PRDM1: variants seen among roughly 807,000 people sequenced by gnomAD.
The protein encoded by PRDM1 is PR domain zinc finger protein 1.
In PRDM1, 13 loss-of-function variants were observed where a neutral mutation model predicts 62.8. The ratio of observed to expected loss-of-function variants is 0.21; its 90% confidence interval spans 0.13 to 0.33. The LOEUF (loss-of-function observed/expected upper bound fraction) is 0.33. Ranked by LOEUF, PRDM1 falls within the 10% of genes least tolerant of loss-of-function variation. PRDM1 has a pLI of 1.00. For synonymous variants in PRDM1, 396 were observed against 417.6 expected, an observed-to-expected ratio of 0.95 and a Z score of 0.63; for missense variants, 895 against 1,058.8, an observed-to-expected ratio of 0.85 and a Z score of 2.15.
upstream of PRDM1, among the ~76,000 whole-genome samples, chr6:106,084,128 C>T (rs1773746017): frequency 6.6e-6 from 1 of 152,070 alleles, no homozygotes; most frequent in Non-Finnish European, 1.5e-5. Context: ...CTACTATAAT[C>T]ATAGTCAAAA....
At chr6:106,080,772 A>T (rs896164149) in intron 1 of PRDM1, among the ~76,000 whole-genome samples, 3 of 152,154 alleles carry the variant, frequency 2.0e-5, no homozygotes, top group Non-Finnish European at 4.4e-5. Flanking sequence ...GTTCTCTTCA[A>T]AGGAGTTGTG....
rs80238715 is a variant in PRDM1, at chr6:106,055,348, A to G, written c.-67+6634A>G. Reference sequence around the variant, plus strand: ...ATCATTACTTTGGGAAGATACATACATGTCTTGCATTATTATATACATGAG... The same window carrying G: ...ATCATTACTTTGGGAAGATACATACGTGTCTTGCATTATTATATACATGAG... On this transcript the variant is annotated intron_variant, in intron 1 of 6. Coordinates refer to the PRDM1 transcript ENST00000651185. Among the ~76,000 whole-genome samples, 1,476 of 152,298 alleles carry G rather than the reference A, an allele frequency of 9.7e-3. 17 individuals are homozygous for G. The highest frequency in any genetic ancestry group is 0.021 in the South Asian group (100 of 4,816).
chr6:106,099,684 C>T, intron 4 of PRDM1, 132 bp downstream of exon 4: 1 of 1,263,608 alleles, frequency 7.9e-7, no homozygotes, highest in Non-Finnish European at 1.1e-6. Flanking sequence ...AAGCTAGGGA[C>T]TAGGAAGAGG....
rs73772575 is a variant in PRDM1, at chr6:106,067,290, T to C, written c.-67+18576T>C. Among the ~76,000 whole-genome samples, 758 of 152,354 alleles carry C rather than the reference T, an allele frequency of 5.0e-3. 6 individuals are homozygous for C. The highest frequency in any genetic ancestry group is 0.018 in the African/African-American group (731 of 41,576). On this transcript the variant is annotated intron_variant, in intron 1 of 6. Transcript: ENST00000651185. ...GGATAATTCTCTGGTTGCATTCCAT[T>C]ACTTCCCTAGAATAAATTCCTGTAA... is the stretch of plus-strand genomic sequence containing the variant.
In PRDM1 at chr6:106,086,384, G is replaced by T; in HGVS notation, c.-170G>T. 1.7e-6 allele frequency: 1 copy of T among 579,294 alleles called. No homozygotes were observed. The highest frequency in any genetic ancestry group is 3.1e-6 in the Non-Finnish European group (1 of 322,412). The allele number at this position is 579,294 out of a possible 1,614,324, so 35.9% of individuals were successfully genotyped here. ...ACACTCGGCCCTCCAGTGTTGCGGA[G>T]AGGCAAGAGCAGCGACCGCGGCACC... On this transcript the variant is annotated 5_prime_UTR_variant, in exon 1 of 7. Transcript: ENST00000369096.
chr6:106,066,674 AG>A lies in PRDM1; in HGVS notation c.-67+17961del, dbSNP rs1426428373. ...TTAAAGATTTGAAAAAATACAGAAA[AG>A]AAATCAATAGCATTTCTACCACCTG... On this transcript the variant is annotated intron_variant, in intron 1 of 6. Coordinates refer to the PRDM1 transcript ENST00000651185. Among the ~76,000 whole-genome samples the A allele has an allele frequency of 2.0e-5, 3 of 152,244 alleles. No homozygotes were observed. In the East Asian group the frequency reaches 5.8e-4, roughly 29 times the overall value.
At chr6:106,080,088 T>C (rs939952236) in intron 1 of PRDM1, among the ~76,000 whole-genome samples, 5 of 152,220 alleles carry the variant, frequency 3.3e-5, no homozygotes, top group African/African-American at 1.2e-4. Flanking sequence ...GTTGTTTAGA[T>C]AGAATTACAT....
intron 1 of PRDM1, among the ~76,000 whole-genome samples, chr6:106,029,938 G>A (rs1008703532): frequency 2.1e-4 from 32 of 152,064 alleles, no homozygotes; most frequent in East Asian, 7.7e-4. Context: ...TTGAATTTGC[G>A]TTTCCCTCAT....
intron 3 of PRDM1, among the ~76,000 whole-genome samples, chr6:106,096,436 G>A (rs1321142086): frequency 2.6e-5 from 4 of 152,118 alleles, no homozygotes; most frequent in African/African-American, 4.8e-5. Context: ...AAGAGCCACC[G>A]CGCCCAGCCA....
intron 1 of PRDM1, among the ~76,000 whole-genome samples, chr6:106,087,074 T>C (rs977415855): frequency 1.3e-5 from 2 of 152,228 alleles, no homozygotes; most frequent in Non-Finnish European, 2.9e-5. Flanking sequence ...ATGTTTACAT[T>C]TGAACAAACA....
At chr6:106,002,475 T>C (rs1314671673) in intron 1 of PRDM1, among the ~76,000 whole-genome samples, 1 of 152,216 alleles carries the variant, frequency 6.6e-6, no homozygotes, top group Non-Finnish European at 1.5e-5. Flanking sequence ...TTTTATTTAA[T>C]TGGAAATTTA....
intron 1 of PRDM1, among the ~76,000 whole-genome samples, chr6:106,061,865 A>C (rs771039074): frequency 6.6e-6 from 1 of 152,242 alleles, no homozygotes; most frequent in Non-Finnish European, 1.5e-5. Flanking sequence ...ATTTAGACCT[A>C]TCCAGGAGGC....
Position 106,107,472 on chromosome 6 carries a change from C to A in PRDM1, c.2464C>A (p.Pro822Thr), listed in dbSNP as rs75859409. The change falls in exon 7 of 7, where the codon CCA becomes ACA. Residue 822 changes from proline (P) to threonine (T), a missense_variant. By Grantham distance (38) the Pro-to-Thr change is conservative. Around this residue, in one of 4 missense-constraint regions of PRDM1, gnomAD observed 164 missense variants for 179.9 expected, o/e 0.91. Coordinates refer to ENST00000369096, the MANE Select transcript of PRDM1 (RefSeq NM_001198.4). ...PVKVKQETVEPMDP is the reference protein window; with the variant it reads ...PVKVKQETVETMDP Reference sequence around the variant, plus strand: ...AAAGGTCAAACAAGAAACAGTTGAACCAATGGATCCTTAAGATTTTCAGAA... The same window carrying A: ...AAAGGTCAAACAAGAAACAGTTGAAACAATGGATCCTTAAGATTTTCAGAA... 754 of 1,596,132 alleles carry A rather than the reference C, an allele frequency of 4.7e-4. 4 individuals are homozygous for A. The African/African-American group carries it at 6.2e-3, about 13-fold the overall frequency.
At chr6:106,005,448 T>G (rs1176538150) in intron 1 of PRDM1, among the ~76,000 whole-genome samples, 3 of 152,248 alleles carry the variant, frequency 2.0e-5, no homozygotes, top group Non-Finnish European at 4.4e-5. Flanking sequence ...AGAACTTATT[T>G]TGTTCAAATC....
In PRDM1 at chr6:105,998,909, ATATATATATATATATATATATATATTTTT is replaced by A. The variant is rs1195010729; in HGVS notation, c.-67+5272_-67+5300del. Reference sequence around the variant, plus strand: ...TTAATACATATATATATATATATATATATATATATATATATATATATATATTTTTTTTTTTTTTTTTCTTTTGAGACAAG... The same window carrying A: ...TTAATACATATATATATATATATATATTTTTTTTTTTTCTTTTGAGACAAG... On this transcript the variant is annotated intron_variant, in intron 1 of 6. Coordinates refer to the PRDM1 transcript ENST00000652320. Among the ~76,000 whole-genome samples the A allele has an allele frequency of 9.3e-3, 556 of 59,694 alleles. 14 individuals are homozygous for A. The highest frequency in any genetic ancestry group is 0.038 in the African/African-American group (524 of 13,920). The allele number at this position is 59,694 out of a possible 152,430, so 39.2% of individuals were successfully genotyped here. A position where few individuals can be genotyped will look rare whatever the true frequency, so the allele number is the denominator to read the frequency against.
intron 1 of PRDM1, among the ~76,000 whole-genome samples, chr6:106,056,407 T>C (rs1251605605): frequency 6.6e-6 from 1 of 152,238 alleles, no homozygotes; most frequent in Non-Finnish European, 1.5e-5. Context: ...GGAATATTAA[T>C]CTAGCCTTTA....
chr6:105,994,559 G>A lies in PRDM1; in HGVS notation c.-67+920G>A, dbSNP rs1390374050. ...AGGTGGGGACGAGAAGTTTCCGAAT[G>A]CTGAGTTCATTTGGACGAGGTGAGG... On this transcript the variant is annotated intron_variant, in intron 1 of 6. Transcript: ENST00000652320. The surrounding 1 kb of genome is among the most constrained non-coding windows in gnomAD (Gnocchi z 4.1). 6.6e-6 allele frequency among the ~76,000 whole-genome samples: 1 copy of A among 152,158 alleles called. No homozygotes were observed. Among genetic ancestry groups the A allele is most frequent in the Admixed American group, 6.5e-5 (1 of 15,278 alleles).
intron 1 of PRDM1, among the ~76,000 whole-genome samples, chr6:106,039,279 C>T (rs764031503): frequency 4.6e-5 from 7 of 152,052 alleles, no homozygotes; most frequent in Non-Finnish European, 5.9e-5. Flanking sequence ...AAGGACATGC[C>T]TTTAAAAATA....
chr6:106,022,117 C>G (rs1226873175), intron 1 of PRDM1, among the ~76,000 whole-genome samples: 2 of 152,130 alleles, frequency 1.3e-5, no homozygotes, highest in African/African-American at 4.8e-5. Context: ...GGTGTTACAC[C>G]AACATAATGG....
Sources: allele counts gnomAD v4.1 joint callset (sites outside exome capture counted in the v4.1 genomes callset), GRCh38; gene constraint gnomAD v4.1.1; regional missense constraint gnomAD v4.1.1; non-coding constraint Gnocchi (gnomAD v3.1); transcripts MANE v1.5; gene names NCBI Gene and HGNC (gene_info 2026-07-23, HGNC 2026-07-21).